Variants in NOA1 observed in about 807,000 individuals in gnomAD.
NOA1 encodes nitric oxide-associated protein 1.
A neutral mutation model predicts 58.4 loss-of-function variants in NOA1; 35 were observed. The ratio of observed to expected loss-of-function variants is 0.60; its 90% confidence interval spans 0.46 to 0.79. NOA1 has a LOEUF of 0.79. Ranked by LOEUF, NOA1 falls within the 30% of genes least tolerant of loss-of-function variation. NOA1 has a pLI of 0.00. For missense variants in NOA1, 895 were observed against 894.6 expected, an observed-to-expected ratio of 1.00 and a Z score of -0.01; for synonymous variants, 397 against 373.4, an observed-to-expected ratio of 1.06 and a Z score of -0.73.
rs982383449 is a variant in NOA1 at position 56,963,642 on chromosome 4, A to T, written c.1905T>A (p.Pro635=). 6.2e-7 allele frequency: 1 copy of T among 1,614,062 alleles called. No individual in the cohort carries two copies. The highest frequency in any genetic ancestry group is 1.3e-5 in the African/African-American group (1 of 74,924). Residue 635 remains proline (P), a synonymous_variant, in exon 7 of 7, where the codon CCT becomes CCA. Coordinates refer to ENST00000264230, the MANE Select transcript of NOA1 (RefSeq NM_032313.4). Reference sequence around the variant, plus strand: ...GGAGATGCAGTCTGTCCTTAAAATTAGGTGTTACTGAAACCCAACCTATGC... The same window carrying T: ...GGAGATGCAGTCTGTCCTTAAAATTTGGTGTTACTGAAACCCAACCTATGC... ...FSSAGWVSVT[P]NFKDRLHLRG...
At chr4:56,974,090 G>GGCAACCACCAA in intron 1 of NOA1, 68 bp from the exon 2 acceptor site, 6 of 812,150 alleles carry the variant, frequency 7.4e-6, no homozygotes, top group South Asian at 3.4e-5. Context: ...ACATTTTTGA[G>GGCAACCACCAA]GATCTACACT....
Position 56,976,832 on chromosome 4 carries a change from G to T in NOA1, c.754C>A (p.Leu252Ile). 6.2e-7 allele frequency: 1 copy of T among 1,612,976 alleles called. No individual in the cohort carries two copies. Among genetic ancestry groups the T allele is most frequent in the Non-Finnish European group, 8.5e-7 (1 of 1,179,718 alleles). The change falls in exon 1 of 7, where the codon CTC becomes ATC. Residue 252 changes from leucine to isoleucine, a missense_variant. Physicochemically the swap from Leu to Ile is conservative, Grantham distance 5. Around this residue, in one of 3 missense-constraint regions of NOA1, gnomAD observed 680 missense variants for 656.5 expected, o/e 1.04. Transcript: ENST00000264230. ...TAGCCAGGAGCATCCTGGGGCAGGA[G>T]GTCCACTTTGTTTCCCAGCACGATC... Reference protein sequence around the residue: ...QLIVLGNKVDLLPQDAPGYRQ... With the variant: ...QLIVLGNKVDILPQDAPGYRQ...
intron 2 of NOA1, 24 bp from the exon 3 acceptor site, chr4:56,973,377 A>G: frequency 6.4e-7 from 1 of 1,567,782 alleles, no homozygotes; most frequent in Non-Finnish European, 8.8e-7. Flanking sequence ...TAGTAAGGTT[A>G]TTAGTCACTC....
chr4:56,971,641 C>A (rs954517528), intron 3 of NOA1, among the ~76,000 whole-genome samples: 1 of 151,932 alleles, frequency 6.6e-6, no homozygotes, highest in East Asian at 1.9e-4. Flanking sequence ...TAACCAGATT[C>A]GAAGGAAATG....
chr4:56,973,230 G>T lies in NOA1; in HGVS notation c.1433C>A (p.Thr478Asn), dbSNP rs1432742793. 1 of 1,614,082 alleles carries T rather than the reference G, an allele frequency of 6.2e-7. No individual in the cohort carries two copies. The highest frequency in any genetic ancestry group is 8.5e-7 in the Non-Finnish European group (1 of 1,180,002). Residue 478 changes from threonine (T) to asparagine (N), a missense_variant, in exon 3 of 7, where the codon ACC (threonine) becomes AAC (asparagine). By Grantham distance (65) the Thr-to-Asn change is moderately conservative. Transcript: ENST00000264230. ...TTGTGCAGTCAATTCTACTTGTTTG[G>T]TGGATTTGTGTGTACCCATAACAGG... ...NDPVMGTHKSTKQVELTAQDV... is the reference protein window; with the variant it reads ...NDPVMGTHKSNKQVELTAQDV...
Position 56,976,551 on chromosome 4 carries a change from G to A in NOA1, c.1035C>T (p.Gly345=). The A allele has an allele frequency of 6.2e-7, 1 of 1,614,228 alleles. No homozygotes were observed. The highest frequency in any genetic ancestry group is 8.5e-7 in the Non-Finnish European group (1 of 1,180,042). The part of the protein sequence containing the change: ...WRYRGDVYLV[G]ATNAGKSTLF... ...GAGTGGATTTGCCGGCGTTGGTGGC[G>A]CCCACTAAGTAGACGTCCCCACGGT... The change falls in exon 1 of 7, where the codon GGC becomes GGT. Residue 345 remains glycine, a synonymous_variant. Coordinates refer to ENST00000264230, the MANE Select transcript of NOA1 (RefSeq NM_032313.4).
intron 4 of NOA1, 51 bp from the exon 5 acceptor site, chr4:56,966,787 C>A (rs1721720059): frequency 3.5e-6 from 4 of 1,136,594 alleles, no homozygotes; most frequent in Non-Finnish European, 4.0e-6. Flanking sequence ...GGAAAACCTG[C>A]ATATTCAAGG....
Position 56,976,597 on chromosome 4 carries a change from G to A in NOA1, c.989C>T (p.Ala330Val). ...TGYGVEELIS[A>V]LQRSWRYRGD... ...ACGGTAGCGCCAGGAGCGCTGAAGG[G>A]CAGAGATCAACTCTTCCACTCCATA... is the stretch of plus-strand genomic sequence containing the variant. Residue 330 changes from alanine (A) to valine (V), a missense_variant, in exon 1 of 7, where the codon GCC becomes GTC. Transcript: ENST00000264230. 1.2e-6 allele frequency: 2 copies of A among 1,614,194 alleles called. No individual in the cohort carries two copies. Among genetic ancestry groups the A allele is most frequent in the Non-Finnish European group, 1.7e-6 (2 of 1,180,032 alleles).
rs148181499 is a variant in NOA1, at chr4:56,976,729, G to A, written c.857C>T (p.Pro286Leu). ...GLLLAPGHQG[P>L]QRPVKDEPQD... ...TGGCTCGTCCTTGACGGGGCGCTGT[G>A]GCCCTTGGTGGCCAGGGGCCAGCAG... The change falls in exon 1 of 7, where the codon CCA becomes CTA. Residue 286 changes from proline to leucine, a missense_variant. Coordinates refer to ENST00000264230, the MANE Select transcript of NOA1 (RefSeq NM_032313.4). 2.9e-5 allele frequency: 46 copies of A among 1,611,792 alleles called. No individual in the cohort carries two copies. The highest frequency in any genetic ancestry group is 3.6e-5 in the Non-Finnish European group (42 of 1,178,966).
At chr4:56,964,724 C>T (rs1311168387) in intron 5 of NOA1, among the ~76,000 whole-genome samples, 198 bp from the exon 6 acceptor site, 1 of 152,174 alleles carries the variant, frequency 6.6e-6, no homozygotes, top group Non-Finnish European at 1.5e-5. Context: ...ATGAAGCTTA[C>T]AAATCTCAGG....
chr4:56,970,773 A>T (rs951865845), intron 3 of NOA1, among the ~76,000 whole-genome samples: 4 of 152,044 alleles, frequency 2.6e-5, no homozygotes, highest in Non-Finnish European at 4.4e-5. Context: ...GAGTCTTAAT[A>T]CTTTCATTTC....
At chr4:56,973,383 C>T (rs1309065712) in intron 2 of NOA1, 30 bp from the exon 3 acceptor site, 1 of 1,551,730 alleles carries the variant, frequency 6.4e-7, no homozygotes, top group Admixed American at 1.7e-5. Flanking sequence ...GGTTATTAGT[C>T]ACTCCTTTAA....
intron 3 of NOA1, among the ~76,000 whole-genome samples, chr4:56,969,582 A>G (rs934935600): frequency 5.3e-5 from 8 of 152,310 alleles, no homozygotes; most frequent in Middle Eastern, 3.4e-3. Flanking sequence ...AAAGGAAAAA[A>G]AGAGAATAAC....
In NOA1 at chr4:56,973,983, G is replaced by A. The variant is rs753708256; in HGVS notation, c.1184C>T (p.Pro395Leu). 1.2e-6 allele frequency: 2 copies of A among 1,613,522 alleles called. No individual in the cohort carries two copies. The highest frequency in any genetic ancestry group is 2.7e-5 in the African/African-American group (2 of 74,816). Residue 395 changes from proline (P) to leucine (L), a missense_variant, in exon 2 of 7, where the codon CCA (proline) becomes CTA (leucine). By Grantham distance (98) the Pro-to-Leu change is moderately conservative. Around this residue, in one of 3 missense-constraint regions of NOA1, gnomAD observed 680 missense variants for 656.5 expected, o/e 1.04. Coordinates refer to ENST00000264230, the MANE Select transcript of NOA1 (RefSeq NM_032313.4). ...CCTTTTAAACATTCTGTAAGGAGTT[G>A]GGTTGCAAATAGGAAACTTCAGAAG... Reference protein sequence around the residue: ...LNLLKFPICNPTPYRMFKRHQ... With the variant: ...LNLLKFPICNLTPYRMFKRHQ...
At position 56,977,390 on chromosome 4, in the gene NOA1, C is replaced by T. The variant is rs1721970644; in HGVS notation, c.196G>A (p.Gly66Ser). 3 of 1,614,212 alleles carry T rather than the reference C, an allele frequency of 1.9e-6. No homozygotes were observed. In the East Asian group the frequency reaches 6.7e-5, roughly 36 times the overall value. Residue 66 changes from glycine to serine, a missense_variant, in exon 1 of 7, where the codon GGT becomes AGT. Physicochemically the swap from Gly to Ser is moderately conservative, Grantham distance 56. This residue lies in a region of NOA1 where 680 missense variants were observed against 656.5 expected (regional missense o/e 1.04). Coordinates refer to ENST00000264230, the MANE Select transcript of NOA1 (RefSeq NM_032313.4). Reference sequence around the variant, plus strand: ...AACAGAAAACGCTCCTGCATGTCACCACCTTCTCCAAAGCCCTCCGTGTCC... The same window carrying T: ...AACAGAAAACGCTCCTGCATGTCACTACCTTCTCCAAAGCCCTCCGTGTCC... ...PVDTEGFGEG[G>S]DMQERFLFPE...
intron 1 of NOA1, among the ~76,000 whole-genome samples, chr4:56,975,621 T>C (rs1287950340): frequency 1.3e-5 from 2 of 152,038 alleles, no homozygotes; most frequent in African/African-American, 4.8e-5. Context: ...CTCACACCTG[T>C]AATCCCAGCA....
intron 6 of NOA1, among the ~76,000 whole-genome samples, 176 bp downstream of exon 6, chr4:56,964,230 G>A (rs1209737112): frequency 6.6e-6 from 1 of 152,056 alleles, no homozygotes; most frequent in Non-Finnish European, 1.5e-5. Flanking sequence ...ACCATGCCCG[G>A]CTAATTTTGT....
chr4:56,974,213 C>T (rs182920705), intron 1 of NOA1, among the ~76,000 whole-genome samples, 191 bp from the exon 2 acceptor site: 9 of 152,254 alleles, frequency 5.9e-5, no homozygotes, highest in Admixed American at 2.0e-4. Context: ...TCTGTAGGCC[C>T]GATTTCTTTC....
rs755043225 is a variant in NOA1, at chr4:56,977,048, G to A, written c.538C>T (p.Gln180Ter). The A allele has an allele frequency of 6.3e-7, 1 of 1,584,432 alleles. No individual in the cohort carries two copies. The highest frequency in any genetic ancestry group is 1.1e-5 in the South Asian group (1 of 90,136). Residue 180 changes from glutamine to a stop codon, truncating the protein, a stop_gained, in exon 1 of 7, where the codon CAG becomes TAG. Coordinates refer to ENST00000264230, the MANE Select transcript of NOA1 (RefSeq NM_032313.4). LOFTEE classifies it high-confidence loss of function. ...TGGTGCGACAGCAGCCAGCAGCGCT[G>A]GCACACGGTCCGTGCCAGCCCGCCG... is the stretch of plus-strand genomic sequence containing the variant. ...ADGGLARTVC[Q>*]RCWLLSHHRR...
Sources: gnomAD v4.1 joint callset for allele counts (sites outside exome capture counted in the v4.1 genomes callset) on GRCh38, gnomAD v4.1.1 for gene constraint, gnomAD v4.1.1 regional missense constraint, MANE v1.5 for transcripts, NCBI Gene and HGNC (gene_info 2026-07-23, HGNC 2026-07-21) for gene names.